Variants in TTC6 observed in about 807,000 individuals in gnomAD.
TTC6 encodes tetratricopeptide repeat protein 6.
A neutral mutation model predicts 210.4 loss-of-function variants in TTC6; 172 were observed. The ratio of observed to expected loss-of-function variants is 0.82; its 90% CI spans 0.72 to 0.93. The LOEUF (loss-of-function observed/expected upper bound fraction) is 0.93, where lower values mean the gene tolerates loss of function less well. TTC6 is among the 40% of genes least tolerant of loss of function. TTC6 has a pLI of 0.00. For missense variants in TTC6, 2,414 were observed against 2,318.1 expected (o/e 1.04, Z -0.85); for synonymous variants, 804 against 819.6 (o/e 0.98, Z 0.32).
chr14:37,747,244 T>C (rs889490576), intron 10 of TTC6, among the ~76,000 whole-genome samples: 4 of 152,160 alleles, frequency 2.6e-5, no homozygotes, highest in African/African-American at 9.7e-5. Flanking sequence ...CCTAGAATCC[T>C]TTATGTGTGT....
chr14:37,787,508 AAAG>A, exon 15 of TTC6: 1 of 1,529,728 alleles, frequency 6.5e-7, no homozygotes, highest in African/African-American at 1.4e-5. Context: ...GAAATTTTAT[AAAG>A]AAGCAACTCA....
At chr14:37,703,297 C>T (rs1216864490) in intron 5 of TTC6, among the ~76,000 whole-genome samples, 1 of 151,902 alleles carries the variant, frequency 6.6e-6, no homozygotes, top group African/African-American at 2.4e-5. Context: ...CTTTCTTTTT[C>T]CAAGAGTCAA....
chr14:37,654,300 G>C (rs754504422), intron 1 of TTC6, among the ~76,000 whole-genome samples: 1 of 152,048 alleles, frequency 6.6e-6, no homozygotes, highest in Non-Finnish European at 1.5e-5. Flanking sequence ...TGCTTGAGGG[G>C]ATGGATACCC....
In TTC6 at chr14:37,663,966, A is replaced by T. The variant is rs1555384834; in HGVS notation, c.940-16185A>T. 3.3e-3 allele frequency among the ~76,000 whole-genome samples: 501 copies of T among 150,582 alleles called. 21 individuals are homozygous for T. The highest frequency in any genetic ancestry group is 5.6e-3 in the Non-Finnish European group (375 of 66,918). ...ATAAGGGAAGTGAAGGACCTCTTCAAGGAGAACTATAAACCACTGCTCAAA... is the reference window on the plus strand; with the variant it reads ...ATAAGGGAAGTGAAGGACCTCTTCATGGAGAACTATAAACCACTGCTCAAA... On this transcript the variant is annotated intron_variant, in intron 1 of 30. Transcript: ENST00000553443.
intron 6 of TTC6, among the ~76,000 whole-genome samples, chr14:37,722,261 C>T (rs1030902371): frequency 6.6e-6 from 1 of 152,120 alleles, no homozygotes; most frequent in African/African-American, 2.4e-5. Context: ...AGCCATTGTC[C>T]TTTCAAGTTC....
chr14:37,779,420 A>G (rs188996217), intron 14 of TTC6, among the ~76,000 whole-genome samples: 172 of 152,168 alleles, frequency 1.1e-3, no homozygotes, highest in African/African-American at 3.9e-3. Context: ...TGGCCATTAT[A>G]TACTTTTAGG....
chr14:37,627,832 A>T lies in TTC6; in HGVS notation c.939+4829A>T, dbSNP rs951554638. Among the ~76,000 whole-genome samples the T allele has an allele frequency of 1.2e-4, 19 of 152,174 alleles. 1 individual carries two copies. Among genetic ancestry groups the T allele is most frequent in the Non-Finnish European group, 5.9e-5 (4 of 68,032 alleles). The stretch of plus-strand genomic sequence containing the variant: ...CCCAGTAATGGGATCGCTGGGTCAA[A>T]TGGTATTTCTGGTTCTAGATCCTTG... On this transcript the variant is annotated intron_variant, in intron 1 of 30. Coordinates refer to ENST00000553443, the Ensembl canonical transcript of TTC6.
Position 37,749,403 on chromosome 14 carries a change from T to C in TTC6, c.2826+2T>C, listed in dbSNP as rs977743207. The C allele has an allele frequency of 1.4e-6, 2 of 1,405,854 alleles. No homozygotes were observed. Among genetic ancestry groups the C allele is most frequent in the Non-Finnish European group, 1.8e-6 (2 of 1,085,682 alleles). The allele number at this position is 1,405,854 out of a possible 1,614,324, so 87.1% of individuals were successfully genotyped here. A position where few individuals can be genotyped will look rare whatever the true frequency, so the allele number is the denominator to read the frequency against. On this transcript the variant is annotated splice_donor_variant, in intron 11 of 30. Transcript: ENST00000553443. LOFTEE classifies it high-confidence loss of function. ...AGTGCCATGAATGATCTGCAGAGAG[T>C]AAGTTTTCTTTAACCAAAATAGTAA... is the stretch of plus-strand genomic sequence containing the variant.
chr14:37,793,136 C>T lies in TTC6; in HGVS notation c.3708+722C>T, dbSNP rs189354797. Among the ~76,000 whole-genome samples, 154 of 152,222 alleles carry T rather than the reference C, an allele frequency of 1.0e-3. 1 individual carries two copies. Among genetic ancestry groups the T allele is most frequent in the African/African-American group, 3.4e-3 (143 of 41,538 alleles). On this transcript the variant is annotated intron_variant, in intron 17 of 30. Coordinates refer to ENST00000553443, the Ensembl canonical transcript of TTC6. ...CTCACCAGGATGGATTTTCAAATAG[C>T]AGCCACAGTGATCTTGCCAAAACAT... is the stretch of plus-strand genomic sequence containing the variant.
chr14:37,748,584 G>T (rs1454659080), intron 10 of TTC6, among the ~76,000 whole-genome samples: 1 of 33,996 alleles, frequency 2.9e-5, no homozygotes, highest in Non-Finnish European at 1.3e-4. Context: ...TTAATCTCTT[G>T]CATGGCATTT....
intron 1 of TTC6, among the ~76,000 whole-genome samples, chr14:37,630,056 G>A (rs901037611): frequency 1.3e-4 from 20 of 152,062 alleles, no homozygotes; most frequent in South Asian, 8.3e-4. Flanking sequence ...TTTTTTGGAA[G>A]GGTTTTTCGT....
At chr14:37,841,562 G>T in exon 30 of TTC6, 1 of 1,607,704 alleles carries the variant, frequency 6.2e-7, no homozygotes, top group Non-Finnish European at 8.5e-7. Context: ...AGAAGATTTT[G>T]CAAATGTAAT....
intron 26 of TTC6, 144 bp downstream of exon 28, chr14:37,817,795 CA>C: frequency 1.3e-6 from 1 of 748,558 alleles, no homozygotes. Flanking sequence ...GGGAGGGACA[CA>C]AAGAGTTCCC....
At position 37,808,719 on chromosome 14, in the gene TTC6, T is replaced by C. The variant is rs758866504; in HGVS notation, c.4456-14T>C. On this transcript the variant is annotated splice_polypyrimidine_tract_variant and intron_variant, in intron 23 of 30. Transcript: ENST00000553443. ...TGATTTTCCTTTCTCACATAATTAC[T>C]TTTTTCTTTTTAGACTTATAAGCTA... The C allele has an allele frequency of 1.2e-5, 16 of 1,312,788 alleles. No individual in the cohort carries two copies. In the Middle Eastern group the frequency reaches 5.6e-4, roughly 46 times the overall value. 81.3% of individuals were successfully genotyped at this position (1,312,788 alleles called of 1,614,324 possible).
intron 1 of TTC6, among the ~76,000 whole-genome samples, chr14:37,653,430 G>C (rs933917059): frequency 6.6e-6 from 1 of 152,174 alleles, no homozygotes; most frequent in Admixed American, 6.5e-5. Flanking sequence ...GGTCTGGACT[G>C]ATTGTCTTAT....
chr14:37,618,508 C>T (rs1484475623), upstream of TTC6, among the ~76,000 whole-genome samples: 2 of 152,196 alleles, frequency 1.3e-5, no homozygotes, highest in Non-Finnish European at 2.9e-5. Flanking sequence ...TTATTTTTCC[C>T]TTGGTATTGC....
At chr14:37,649,206 G>C (rs1486085785) in intron 1 of TTC6, among the ~76,000 whole-genome samples, 1 of 152,134 alleles carries the variant, frequency 6.6e-6, no homozygotes, top group African/African-American at 2.4e-5. Flanking sequence ...AGGCTAGTCT[G>C]GGGCCTGCTA....
intron 1 of TTC6, among the ~76,000 whole-genome samples, chr14:37,637,244 A>G (rs2095682704): frequency 6.6e-6 from 1 of 152,262 alleles, no homozygotes; most frequent in African/African-American, 2.4e-5. Flanking sequence ...AAAATCTTCT[A>G]AATCTCAGGC....
intron 29 of TTC6, among the ~76,000 whole-genome samples, chr14:37,830,764 A>AT (rs1201280586): frequency 7.3e-5 from 11 of 151,462 alleles, no homozygotes; most frequent in African/African-American, 2.4e-4. Context: ...TTTTAAATGA[A>AT]TTTTTTTCAA....
Sources: allele counts gnomAD v4.1 joint callset (sites outside exome capture counted in the v4.1 genomes callset), GRCh38; gene constraint gnomAD v4.1.1; transcripts MANE v1.5; gene names NCBI Gene and HGNC (gene_info 2026-07-23, HGNC 2026-07-21).